AKAP6: variants seen among roughly 807,000 people sequenced by gnomAD.
AKAP6 encodes A-kinase anchoring protein 6, also known as A-kinase anchor protein 6.
A neutral mutation model predicts 188.5 loss-of-function variants in AKAP6; 58 were observed. The ratio of observed to expected loss-of-function variants is 0.31; its 90% CI spans 0.25 to 0.38. The LOEUF (loss-of-function observed/expected upper bound fraction) is 0.38. AKAP6 is among the 10% of genes least tolerant of loss of function. The probability of loss-of-function intolerance (pLI) is 1.00; values close to 1 mark genes in which losing one functional copy is unlikely to be tolerated. For synonymous variants in AKAP6, 989 were observed against 998.6 expected (o/e 0.99, Z 0.18); for missense variants, 2,710 against 2,740.0 (o/e 0.99, Z 0.24).
At chr14:32,811,628 C>T (rs1429171195) in intron 12 of AKAP6, among the ~76,000 whole-genome samples, 2 of 152,154 alleles carry the variant, frequency 1.3e-5, no homozygotes, top group Non-Finnish European at 2.9e-5. Context: ...GATACTAACT[C>T]CAGATAGATA....
intron 11 of AKAP6, among the ~76,000 whole-genome samples, chr14:32,765,118 A>G (rs1405994834): frequency 6.6e-6 from 1 of 151,960 alleles, no homozygotes; most frequent in Non-Finnish European, 1.5e-5. Flanking sequence ...TATTTATGGT[A>G]GAGACGGGGT....
intron 6 of AKAP6, 61 bp downstream of exon 6, chr14:32,599,567 A>G: frequency 1.5e-6 from 2 of 1,297,168 alleles, no homozygotes; most frequent in Non-Finnish European, 2.2e-6. Context: ...ATGAAGAAGC[A>G]TTGCTGTAAA....
intron 2 of AKAP6, among the ~76,000 whole-genome samples, chr14:32,525,074 G>C (rs950999542): frequency 1.3e-5 from 2 of 152,168 alleles, no homozygotes; most frequent in African/African-American, 4.8e-5. Flanking sequence ...ACAATTTCCA[G>C]AAGAGCTATT....
chr14:32,340,640 CAT>C (rs1290920308), intron 1 of AKAP6, among the ~76,000 whole-genome samples: 1 of 152,200 alleles, frequency 6.6e-6, no homozygotes. Context: ...TACCTGAAAA[CAT>C]ATTTTAATTT....
intron 5 of AKAP6, among the ~76,000 whole-genome samples, chr14:32,580,409 A>G (rs1050279353): frequency 1.3e-5 from 2 of 152,112 alleles, no homozygotes; most frequent in African/African-American, 2.4e-5. Context: ...ATAGAATTGT[A>G]TAGGTATGTT....
chr14:32,599,580 A>G (rs1885839556), intron 6 of AKAP6, 74 bp downstream of exon 6: 1 of 1,140,190 alleles, frequency 8.8e-7, no homozygotes, highest in African/African-American at 1.5e-5. Context: ...GCTGTAAATT[A>G]CTGCATATAT....
At chr14:32,753,583 G>A (rs573157345) in intron 11 of AKAP6, among the ~76,000 whole-genome samples, 50 of 152,078 alleles carry the variant, frequency 3.3e-4, no homozygotes, top group South Asian at 1.0e-3. Context: ...CCCAAAACTC[G>A]TTCAGACCAA....
intron 2 of AKAP6, among the ~76,000 whole-genome samples, chr14:32,499,214 A>G (rs535885652): frequency 1.3e-5 from 2 of 151,932 alleles, no homozygotes; most frequent in African/African-American, 4.8e-5. Flanking sequence ...TTATCAGAGT[A>G]GTGGTTACAC....
chr14:32,472,933 A>C (rs899779608), intron 2 of AKAP6, among the ~76,000 whole-genome samples: 1 of 152,216 alleles, frequency 6.6e-6, no homozygotes, highest in Non-Finnish European at 1.5e-5. Flanking sequence ...AATGCTTAGA[A>C]ATGTTTGGAA....
chr14:32,675,665 G>A (rs926408860), intron 7 of AKAP6, among the ~76,000 whole-genome samples: 24 of 152,180 alleles, frequency 1.6e-4, no homozygotes, highest in African/African-American at 4.8e-4. Flanking sequence ...AAATAGAGAT[G>A]GATAAGAAAG....
At position 32,833,282 on chromosome 14, in the gene AKAP6, G is replaced by A. The variant is rs1269186050; in HGVS notation, c.*3477G>A. On this transcript the variant is annotated 3_prime_UTR_variant, in exon 14 of 14. Transcript: ENST00000280979. ...CTAACACATGGTATCTGTCTCCAAAGGTTTACAGCTTTTCTTCTGAAAGTG... is the reference window on the plus strand; with the variant it reads ...CTAACACATGGTATCTGTCTCCAAAAGTTTACAGCTTTTCTTCTGAAAGTG... The A allele has an allele frequency of 1.3e-5, 2 of 152,236 alleles. No individual in the cohort carries two copies. The highest frequency in any genetic ancestry group is 3.4e-3 in the Middle Eastern group (1 of 294). 9.4% of individuals were successfully genotyped at this position (152,236 alleles called of 1,614,324 possible).
chr14:32,498,684 G>C (rs1406265076), intron 2 of AKAP6, among the ~76,000 whole-genome samples: 1 of 152,038 alleles, frequency 6.6e-6, no homozygotes, highest in Non-Finnish European at 1.5e-5. Flanking sequence ...TTGCCCTTAA[G>C]AAACTACTGT....
intron 11 of AKAP6, among the ~76,000 whole-genome samples, chr14:32,751,995 C>G (rs773150575): frequency 9.9e-5 from 15 of 152,252 alleles, no homozygotes; most frequent in Admixed American, 2.0e-4. Context: ...CTCATTTGAA[C>G]TACAGTGTCT....
At chr14:32,727,973 G>A (rs547408648) in intron 9 of AKAP6, among the ~76,000 whole-genome samples, 4 of 152,266 alleles carry the variant, frequency 2.6e-5, no homozygotes, top group African/African-American at 4.8e-5. Flanking sequence ...TCTGAAAAGC[G>A]GGGCAGCACA....
At chr14:32,521,700 A>G (rs1881842263) in intron 2 of AKAP6, among the ~76,000 whole-genome samples, 1 of 152,192 alleles carries the variant, frequency 6.6e-6, no homozygotes, top group Admixed American at 6.5e-5. Context: ...ACACAAACAA[A>G]TGGAAGAACA....
At chr14:32,404,894 C>T (rs1889236731) in intron 1 of AKAP6, among the ~76,000 whole-genome samples, 1 of 146,760 alleles carries the variant, frequency 6.8e-6, no homozygotes, top group South Asian at 2.2e-4. Context: ...ACTGGCAAGA[C>T]AGATGGGCAA....
rs563909827 is a variant in AKAP6, at chr14:32,483,575, C to T, written c.324+49758C>T. Among the ~76,000 whole-genome samples, 27 of 152,216 alleles carry T rather than the reference C, an allele frequency of 1.8e-4. No homozygotes were observed. In the South Asian group the frequency reaches 5.2e-3, roughly 29 times the overall value. On this transcript the variant is annotated intron_variant, in intron 2 of 13. Transcript: ENST00000280979. ...TCTCGGCTCACTGCAACCTCCGCCT[C>T]CCCGGTTCAAGCAATTCTCCTGCCT...
chr14:32,392,250 T>C (rs369135532), intron 1 of AKAP6, among the ~76,000 whole-genome samples: 1 of 152,216 alleles, frequency 6.6e-6, no homozygotes, highest in African/African-American at 2.4e-5. Flanking sequence ...ATTTTGAAAT[T>C]ATGTGTCCTT....
chr14:32,675,154 C>T (rs1889374560), intron 7 of AKAP6, among the ~76,000 whole-genome samples: 2 of 152,112 alleles, frequency 1.3e-5, no homozygotes, highest in Admixed American at 6.5e-5. Flanking sequence ...CCCACCAGTA[C>T]CTTAAATTAA....
Sources: allele counts gnomAD v4.1 joint callset (sites outside exome capture counted in the v4.1 genomes callset), GRCh38; gene constraint gnomAD v4.1.1; transcripts MANE v1.5; gene names NCBI Gene and HGNC (gene_info 2026-07-23, HGNC 2026-07-21).